The following TBC1D14 variants were observed in gnomAD, a reference collection of about 807,000 sequenced individuals.
The protein encoded by TBC1D14 is TBC1 domain family member 14, also known as TBC1 domain family, member 14.
TBC1D14 carries 26 observed loss-of-function variants against 79.0 expected under a neutral mutation model. The observed-to-expected ratio is 0.33, with a 90% CI of 0.24 to 0.46. The LOEUF is 0.46. TBC1D14 is among the 20% of genes least tolerant of loss of function. The pLI is 1.00. For missense variants in TBC1D14, 769 were observed against 887.6 expected (o/e 0.87, Z 1.70); for synonymous variants, 394 against 349.9 (o/e 1.13, Z -1.40).
rs1481792324 is a variant in TBC1D14 at position 6,987,473 on chromosome 4, GTGTGCGGT to G, written c.844-6703_844-6696del. The G allele has an allele frequency of 7.5e-6, 7 of 928,200 alleles. No homozygotes were observed. In the East Asian group the frequency reaches 9.9e-5, roughly 13 times the overall value. The allele number at this position is 928,200 out of a possible 1,614,324, so 57.5% of individuals were successfully genotyped here. ...GCAGGTGGAGGGTGCGAGTGTGCAT[GTGTGCGGT>G]TGTGCGGGTGTGCGAGCATCACGTG... On this transcript the variant is annotated intron_variant, in intron 3 of 13. Transcript: ENST00000409757.
chr4:6,978,738 T>TAAAAA (rs59534721), intron 3 of TBC1D14, among the ~76,000 whole-genome samples: 32 of 108,190 alleles, frequency 3.0e-4, no homozygotes, highest in Non-Finnish European at 4.8e-4. Flanking sequence ...AATGATCAAT[T>TAAAAA]AAAAAAAAAA....
At chr4:6,943,767 G>A (rs760933765) in intron 2 of TBC1D14, among the ~76,000 whole-genome samples, 15 of 152,270 alleles carry the variant, frequency 9.9e-5, no homozygotes, top group South Asian at 2.1e-4. Context: ...GGGCCACACC[G>A]TCCTCCTGTG....
intron 3 of TBC1D14, among the ~76,000 whole-genome samples, chr4:6,980,806 A>ACCGGGTGCATGCCATTCTTCTGCCTC (rs1717302001): frequency 7.0e-6 from 1 of 142,652 alleles, no homozygotes; most frequent in African/African-American, 2.6e-5. Context: ...ACCTCTGCCT[A>ACCGGGTGCATGCCATTCTTCTGCCTC]CCGGGTGCAT....
intron 2 of TBC1D14, among the ~76,000 whole-genome samples, chr4:6,962,383 A>T (rs903070219): frequency 6.6e-6 from 1 of 152,006 alleles, no homozygotes. Context: ...TCGATTGTTT[A>T]CTTGCCGTGC....
At chr4:6,940,992 G>C (rs1422509568) in intron 2 of TBC1D14, among the ~76,000 whole-genome samples, 2 of 152,112 alleles carry the variant, frequency 1.3e-5, no homozygotes, top group Non-Finnish European at 2.9e-5. Flanking sequence ...TGGAGAAAAA[G>C]GATTGAATCA....
intron 3 of TBC1D14, among the ~76,000 whole-genome samples, chr4:6,978,074 G>T (rs1342041201): frequency 6.7e-6 from 1 of 149,714 alleles, no homozygotes; most frequent in Non-Finnish European, 1.5e-5. Context: ...GGAGGTGGGG[G>T]TCAGCCCCCC....
intron 2 of TBC1D14, among the ~76,000 whole-genome samples, chr4:6,961,377 G>A (rs1715174597): frequency 6.6e-6 from 1 of 150,714 alleles, no homozygotes; most frequent in Non-Finnish European, 1.5e-5. Context: ...CCCCATTCTT[G>A]TCAACTGTGA....
At chr4:7,012,799 G>A (rs1298510236) in intron 11 of TBC1D14, among the ~76,000 whole-genome samples, 1 of 152,182 alleles carries the variant, frequency 6.6e-6, no homozygotes, top group African/African-American at 2.4e-5. Flanking sequence ...TTACAGGTAT[G>A]ACTTTCATAA....
At chr4:6,991,129 G>A (rs1183202458) in intron 3 of TBC1D14, among the ~76,000 whole-genome samples, 1 of 152,232 alleles carries the variant, frequency 6.6e-6, no homozygotes, top group Non-Finnish European at 1.5e-5. Flanking sequence ...GTATGAGCAG[G>A]CTAGGCCACC....
chr4:6,909,761 G>T (rs866612633), upstream of TBC1D14: 1 of 148,222 alleles, frequency 6.7e-6, no homozygotes, highest in Middle Eastern at 3.4e-3. Flanking sequence ...GTGCCCAGGG[G>T]GCGGGCGAGG....
intron 6 of TBC1D14, among the ~76,000 whole-genome samples, chr4:7,000,881 C>T (rs1022278973): frequency 2.0e-5 from 3 of 152,216 alleles, no homozygotes; most frequent in Non-Finnish European, 2.9e-5. Flanking sequence ...TCATTCAGAA[C>T]TTGGCCCCAG....
chr4:6,974,780 A>G (rs899379069), intron 3 of TBC1D14, among the ~76,000 whole-genome samples: 7 of 152,204 alleles, frequency 4.6e-5, no homozygotes, highest in Non-Finnish European at 8.8e-5. Flanking sequence ...AAATGTCTAG[A>G]ATGCAGTTCA....
intron 11 of TBC1D14, among the ~76,000 whole-genome samples, chr4:7,011,522 A>T (rs968389941): frequency 6.6e-6 from 1 of 152,034 alleles, no homozygotes; most frequent in African/African-American, 2.4e-5. Context: ...CACTCATTTA[A>T]TAAGCCCATC....
intron 2 of TBC1D14, among the ~76,000 whole-genome samples, chr4:6,947,309 A>G (rs1713570467): frequency 6.6e-6 from 1 of 152,300 alleles, no homozygotes; most frequent in East Asian, 1.9e-4. Context: ...CATCCTGACT[A>G]CCACGGTGAA....
chr4:6,987,157 G>A, intron 3 of TBC1D14: 1 of 1,193,272 alleles, frequency 8.4e-7, no homozygotes, highest in Non-Finnish European at 1.0e-6. Flanking sequence ...GACGCGCCGA[G>A]CCGGCAGCGC....
At chr4:6,921,516 A>G (rs1465931128) in intron 1 of TBC1D14, among the ~76,000 whole-genome samples, 1 of 151,634 alleles carries the variant, frequency 6.6e-6, no homozygotes, top group Non-Finnish European at 1.5e-5. Context: ...TAGGCCAGAG[A>G]ACTTTATTTT....
intron 2 of TBC1D14, among the ~76,000 whole-genome samples, chr4:6,927,014 C>T (rs954941666): frequency 2.6e-5 from 4 of 152,094 alleles, no homozygotes; most frequent in Non-Finnish European, 4.4e-5. Context: ...AGAACATGCT[C>T]GGAGGGAAGG....
At chr4:6,969,885 T>C (rs1287286872) in intron 3 of TBC1D14, among the ~76,000 whole-genome samples, 1 of 152,170 alleles carries the variant, frequency 6.6e-6, no homozygotes, top group Non-Finnish European at 1.5e-5. Flanking sequence ...CGCGAGTCAT[T>C]CAATCCTGCC....
rs138038395 is a variant in TBC1D14 at position 6,957,025 on chromosome 4, G to T, written c.723-10279G>T. 2.1e-3 allele frequency among the ~76,000 whole-genome samples: 325 copies of T among 152,360 alleles called. 2 individuals are homozygous for T. In the Middle Eastern group the frequency reaches 0.024, roughly 11 times the overall value. On this transcript the variant is annotated intron_variant, in intron 2 of 13. Transcript: ENST00000409757. Reference sequence around the variant, plus strand: ...TTTGCCTTTCTTAGGAAAAGTCTGGGAGTGGAGCAGGAGCATGGTTGCACC... The same window carrying T: ...TTTGCCTTTCTTAGGAAAAGTCTGGTAGTGGAGCAGGAGCATGGTTGCACC...
Sources: gnomAD v4.1 joint callset for allele counts (sites outside exome capture counted in the v4.1 genomes callset) on GRCh38, gnomAD v4.1.1 for gene constraint, MANE v1.5 for transcripts, NCBI Gene and HGNC (gene_info 2026-07-23, HGNC 2026-07-21) for gene names.